Variants in RPS6KC1 observed in about 807,000 individuals in gnomAD.
RPS6KC1 encodes ribosomal protein S6 kinase C1, also known as inactive ribosomal protein S6 kinase delta-1.
A neutral mutation model predicts 103.8 loss-of-function variants in RPS6KC1; 54 were observed. That is an observed-to-expected ratio of 0.52 (90% confidence interval 0.42 to 0.65). RPS6KC1 has a LOEUF of 0.65. Among genes scored for constraint, RPS6KC1 ranks in the 30% least tolerant of loss-of-function variants. The pLI is 0.00. For synonymous variants in RPS6KC1, 439 were observed against 438.7 expected (o/e 1.00, Z -0.01); for missense variants, 1,151 against 1,253.8 (o/e 0.92, Z 1.24).
the RPS6KC1 span, among the ~76,000 whole-genome samples, chr1:213,824,536 T>A: frequency 1.3e-5 from 2 of 152,148 alleles, no homozygotes; most frequent in African/African-American, 4.8e-5. Flanking sequence ...TTTGGCTATG[T>A]CCCCACCCAA....
In RPS6KC1 at chr1:213,241,860, C is replaced by T. The variant is rs764870180; in HGVS notation, c.2384C>T (p.Ser795Leu). Residue 795 changes from serine (S) to leucine (L), a missense_variant, in exon 11 of 15, where the codon TCA becomes TTA. Coordinates refer to ENST00000366960, the MANE Select transcript of RPS6KC1 (RefSeq NM_012424.6). ...SSGDMSLLPS[S>L]DPKFQGLGVV... ...GGAGATATGTCTTTGTTACCCAGCT[C>T]AGATCCTAAGTTTCAAGGACTTGGA... 1 of 1,613,894 alleles carries T rather than the reference C, an allele frequency of 6.2e-7. No individual in the cohort carries two copies. Among genetic ancestry groups the T allele is most frequent in the African/African-American group, 1.3e-5 (1 of 74,912 alleles).
At chr1:213,759,161 G>C in the RPS6KC1 span, among the ~76,000 whole-genome samples, 1 of 152,156 alleles carries the variant, frequency 6.6e-6, no homozygotes, top group Non-Finnish European at 1.5e-5. Flanking sequence ...CATCAACATG[G>C]AGGCAAGACC....
chr1:213,286,822 T>C, the RPS6KC1 span, among the ~76,000 whole-genome samples: 1 of 152,300 alleles, frequency 6.6e-6, no homozygotes, highest in African/African-American at 2.4e-5. Flanking sequence ...ACCACCTTGC[T>C]AAAGGGATAC....
the RPS6KC1 span, among the ~76,000 whole-genome samples, chr1:213,309,859 A>G: frequency 6.6e-6 from 1 of 151,994 alleles, no homozygotes; most frequent in South Asian, 2.1e-4. Flanking sequence ...TAATTTTTGT[A>G]TTTTTAGTGG....
chr1:213,185,883 G>A (rs917225983), intron 8 of RPS6KC1, among the ~76,000 whole-genome samples: 5 of 150,478 alleles, frequency 3.3e-5, no homozygotes, highest in African/African-American at 4.9e-5. Flanking sequence ...TATGGGTTTT[G>A]TGCTGTGGTT....
chr1:213,514,111 A>G, the RPS6KC1 span, among the ~76,000 whole-genome samples: 1 of 152,212 alleles, frequency 6.6e-6, no homozygotes, highest in East Asian at 1.9e-4. Context: ...GACTATTTTG[A>G]CAAATTCTAA....
At chr1:213,340,629 T>C in the RPS6KC1 span, among the ~76,000 whole-genome samples, 10 of 152,394 alleles carry the variant, frequency 6.6e-5, no homozygotes, top group South Asian at 1.2e-3. Context: ...AGCATACTTA[T>C]GTTTTTACAT....
At chr1:213,577,661 T>C in the RPS6KC1 span, among the ~76,000 whole-genome samples, 21,503 of 152,164 alleles carry the variant, frequency 0.14, 1,620 homozygotes, top group Non-Finnish European at 0.17. Context: ...TTGCCCCTGT[T>C]CTAGAGATCT....
chr1:213,187,250 C>CTTTT (rs758725965), intron 8 of RPS6KC1, among the ~76,000 whole-genome samples: 6 of 135,104 alleles, frequency 4.4e-5, no homozygotes, highest in African/African-American at 1.1e-4. Context: ...TCTTCTTCTT[C>CTTTT]TTTTTTTTTT....
At chr1:213,839,356 G>A in the RPS6KC1 span, among the ~76,000 whole-genome samples, 1 of 152,118 alleles carries the variant, frequency 6.6e-6, no homozygotes, top group Non-Finnish European at 1.5e-5. Context: ...CTGGCCCTGG[G>A]GCAAGGCTAG....
At chr1:213,389,383 G>T in the RPS6KC1 span, among the ~76,000 whole-genome samples, 9 of 152,214 alleles carry the variant, frequency 5.9e-5, no homozygotes, top group Admixed American at 5.9e-4. Flanking sequence ...TGCCTTGCTT[G>T]GCAGAGGAGG....
the RPS6KC1 span, among the ~76,000 whole-genome samples, chr1:213,511,194 T>C: frequency 6.8e-6 from 1 of 147,380 alleles, no homozygotes; most frequent in Non-Finnish European, 1.5e-5. Context: ...TTTTTTTTTT[T>C]AGAAATAGGA....
chr1:213,401,619 G>A, the RPS6KC1 span, among the ~76,000 whole-genome samples: 13 of 152,072 alleles, frequency 8.5e-5, no homozygotes, highest in Admixed American at 2.0e-4. Context: ...CATCCCCACC[G>A]GAACTCTCTC....
chr1:213,742,483 ATTTT>A, the RPS6KC1 span, among the ~76,000 whole-genome samples: 2 of 152,228 alleles, frequency 1.3e-5, no homozygotes, highest in Non-Finnish European at 2.9e-5. Context: ...ACGGGGGAAC[ATTTT>A]AGCTGAAGAA....
At chr1:213,062,771 G>C (rs570164230) in intron 1 of RPS6KC1, among the ~76,000 whole-genome samples, 12 of 152,148 alleles carry the variant, frequency 7.9e-5, no homozygotes, top group Admixed American at 5.2e-4. Flanking sequence ...TGGCCAGGAT[G>C]GTCTCATTCT....
the RPS6KC1 span, among the ~76,000 whole-genome samples, chr1:213,546,989 C>T: frequency 1.3e-5 from 2 of 152,126 alleles, no homozygotes; most frequent in South Asian, 2.1e-4. Flanking sequence ...TTTATTTATC[C>T]TTAGGTTCCT....
the RPS6KC1 span, among the ~76,000 whole-genome samples, chr1:213,346,435 A>G: frequency 1.2e-4 from 19 of 152,254 alleles, no homozygotes; most frequent in East Asian, 2.7e-3. Context: ...AAATTTTTAC[A>G]TTTTTTCATA....
intron 3 of RPS6KC1, among the ~76,000 whole-genome samples, chr1:213,079,913 T>G (rs1017151262): frequency 6.6e-6 from 1 of 150,918 alleles, no homozygotes; most frequent in East Asian, 1.9e-4. Flanking sequence ...ATTTTTTCTT[T>G]TTTTCTTTTT....
chr1:213,579,277 AG>A, the RPS6KC1 span, among the ~76,000 whole-genome samples: 1 of 152,050 alleles, frequency 6.6e-6, no homozygotes, highest in Non-Finnish European at 1.5e-5. Flanking sequence ...ACCCTGTCTT[AG>A]GTATTTCTTT....
Sources: gnomAD v4.1 joint callset for allele counts (sites outside exome capture counted in the v4.1 genomes callset) on GRCh38, gnomAD v4.1.1 for gene constraint, MANE v1.5 for transcripts, NCBI Gene and HGNC (gene_info 2026-07-23, HGNC 2026-07-21) for gene names.